DIAPH2: variants seen among roughly 807,000 people sequenced by gnomAD.
The protein encoded by DIAPH2 is diaphanous related formin 2.
DIAPH2 carries 35 observed loss-of-function variants against 92.7 expected under a neutral mutation model. That is an observed-to-expected ratio of 0.38 (90% CI 0.29 to 0.50). DIAPH2 has a LOEUF of 0.50. Ranked by LOEUF, DIAPH2 falls within the 20% of genes least tolerant of loss-of-function variation. DIAPH2 has a pLI of 0.94. For missense variants in DIAPH2, 701 were observed against 819.5 expected, an observed-to-expected ratio of 0.86 and a Z score of 1.77; for synonymous variants, 301 against 280.4, an observed-to-expected ratio of 1.07 and a Z score of -0.73.
intron 23 of DIAPH2, among the ~76,000 whole-genome samples, chrX:97,305,482 A>T (rs186173290): frequency 8.6e-5 from 9 of 104,076 alleles, no homozygotes; most frequent in African/African-American, 2.5e-4. Flanking sequence ...AAGAAGAGAG[A>T]AACTCCGTCT....
chrX:97,275,628 A>C (rs2068441246), intron 23 of DIAPH2, among the ~76,000 whole-genome samples: 1 of 100,561 alleles, frequency 9.9e-6, no homozygotes, highest in Non-Finnish European at 2.0e-5. Context: ...GGGGCTCCTC[A>C]CCTCCCAAAC....
intron 17 of DIAPH2, among the ~76,000 whole-genome samples, chrX:96,975,197 G>T (rs994702831): frequency 9.0e-6 from 1 of 111,540 alleles, no homozygotes. Context: ...GTATGTAAAA[G>T]CACTTTTTCT....
At chrX:97,200,104 A>G (rs1226045054) in intron 22 of DIAPH2, among the ~76,000 whole-genome samples, 1 of 111,582 alleles carries the variant, frequency 9.0e-6, no homozygotes, top group East Asian at 2.9e-4. Context: ...CCAAGGAGCC[A>G]GGGACCTCCC....
intron 21 of DIAPH2, among the ~76,000 whole-genome samples, chrX:97,130,969 G>C (rs2067134014): frequency 9.1e-6 from 1 of 110,334 alleles, no homozygotes; most frequent in Non-Finnish European, 1.9e-5. Context: ...AGCACGGTAT[G>C]GTCGTGGGTG....
intron 1 of DIAPH2, among the ~76,000 whole-genome samples, chrX:96,708,551 C>T (rs186549324): frequency 4.6e-4 from 51 of 111,691 alleles, no homozygotes; most frequent in Non-Finnish European, 7.7e-4. Flanking sequence ...CCACCCCCTG[C>T]GACATCTTTC....
intron 26 of DIAPH2, among the ~76,000 whole-genome samples, chrX:97,478,628 C>A (rs1478339886): frequency 8.9e-6 from 1 of 112,055 alleles, no homozygotes. Flanking sequence ...GAAAGTGATG[C>A]TTTTCTACTT....
At chrX:97,207,376 T>TCCATA (rs1372785096) in intron 22 of DIAPH2, among the ~76,000 whole-genome samples, 1 of 112,146 alleles carries the variant, frequency 8.9e-6, no homozygotes, top group Admixed American at 9.5e-5. Flanking sequence ...TTTAAGATCG[T>TCCATA]CTGTGGGACG....
At chrX:96,968,912 G>A (rs1179883751) in intron 17 of DIAPH2, among the ~76,000 whole-genome samples, 1 of 112,296 alleles carries the variant, frequency 8.9e-6, no homozygotes, top group Non-Finnish European at 1.9e-5. Flanking sequence ...TGGTAAAAGA[G>A]AGGCTTTCGG....
At chrX:96,962,972 C>T (rs1247234535) in intron 16 of DIAPH2, among the ~76,000 whole-genome samples, 2 of 111,127 alleles carry the variant, frequency 1.8e-5, no homozygotes, top group Non-Finnish European at 3.8e-5. Context: ...ATGATATATT[C>T]TCTTTCAGAC....
intron 26 of DIAPH2, among the ~76,000 whole-genome samples, chrX:97,598,475 T>G (rs552309986): frequency 3.9e-4 from 44 of 111,952 alleles, no homozygotes; most frequent in African/African-American, 1.3e-3. Context: ...CAGAAAGGGA[T>G]TTTCACCCCA....
chrX:96,790,009 G>A (rs1272206839), intron 4 of DIAPH2, among the ~76,000 whole-genome samples: 1 of 110,674 alleles, frequency 9.0e-6, no homozygotes, highest in Non-Finnish European at 1.9e-5. Flanking sequence ...CAGAAAATCT[G>A]GGTATATTAT....
At chrX:97,097,555 G>C (rs757414224) in intron 19 of DIAPH2, among the ~76,000 whole-genome samples, 1 of 111,727 alleles carries the variant, frequency 9.0e-6, no homozygotes, top group Non-Finnish European at 1.9e-5. Flanking sequence ...AATAACAAAA[G>C]TTTCACATTC....
At chrX:97,073,623 C>T (rs1382030939) in intron 18 of DIAPH2, among the ~76,000 whole-genome samples, 1 of 111,980 alleles carries the variant, frequency 8.9e-6, no homozygotes, top group Admixed American at 9.5e-5. Flanking sequence ...TTCCCTCTGT[C>T]TTGAAATCAG....
chrX:97,325,543 G>GTTATTTTATTTTATTTTATT (rs58975226), intron 23 of DIAPH2, among the ~76,000 whole-genome samples: 280 of 95,072 alleles, frequency 2.9e-3, no homozygotes, highest in Middle Eastern at 5.2e-3. Flanking sequence ...TCATCTTAAT[G>GTTATTTTATTTTATTTTATT]TTATTTTATT....
chrX:97,040,957 T>C (rs934248196), intron 17 of DIAPH2, among the ~76,000 whole-genome samples: 4 of 111,012 alleles, frequency 3.6e-5, no homozygotes, highest in Admixed American at 9.6e-5. Context: ...GATGAAACAA[T>C]ATTAATAAAT....
intron 17 of DIAPH2, among the ~76,000 whole-genome samples, chrX:97,019,340 G>A (rs1048708622): frequency 2.7e-5 from 3 of 110,189 alleles, no homozygotes; most frequent in Admixed American, 1.9e-4. Flanking sequence ...TTTTGATATC[G>A]GATTAATAGA....
intron 23 of DIAPH2, among the ~76,000 whole-genome samples, chrX:97,320,472 G>A (rs2068882811): frequency 9.0e-6 from 1 of 111,013 alleles, no homozygotes; most frequent in African/African-American, 3.3e-5. Flanking sequence ...CCAGCACTCT[G>A]GGAAGCCGAG....
intron 23 of DIAPH2, among the ~76,000 whole-genome samples, chrX:97,336,814 A>G (rs2069066295): frequency 8.9e-6 from 1 of 112,052 alleles, no homozygotes; most frequent in Non-Finnish European, 1.9e-5. Flanking sequence ...AGACAGACAC[A>G]TAAAAGACAA....
At chrX:97,099,603 T>C (rs1329793784) in intron 19 of DIAPH2, 91 bp from the exon 20 acceptor site, 1 of 515,292 alleles carries the variant, frequency 1.9e-6, no homozygotes, top group Non-Finnish European at 2.9e-6. Context: ...AGAAATGTAC[T>C]GTCCTAGTTA....
Sources: allele counts gnomAD v4.1 joint callset (sites outside exome capture counted in the v4.1 genomes callset), GRCh38; gene constraint gnomAD v4.1.1; transcripts MANE v1.5; gene names NCBI Gene and HGNC (gene_info 2026-07-23, HGNC 2026-07-21).